The following DISC1 variants were observed in gnomAD, a reference collection of about 807,000 sequenced individuals.
DISC1 encodes the protein disrupted in schizophrenia 1 protein.
A neutral mutation model predicts 84.5 loss-of-function variants in DISC1; 57 were observed. That is an observed-to-expected ratio of 0.67 (90% CI 0.55 to 0.84). The LOEUF is 0.84. DISC1 is among the 40% of genes least tolerant of loss of function. DISC1 has a pLI of 0.00. For missense variants in DISC1, 1,000 were observed against 1,057.8 expected (o/e 0.95, Z 0.76); for synonymous variants, 411 against 415.2 (o/e 0.99, Z 0.12).
At chr1:231,676,081 T>C (rs1031591587) in intron 1 of DISC1, among the ~76,000 whole-genome samples, 4 of 152,238 alleles carry the variant, frequency 2.6e-5, no homozygotes, top group African/African-American at 9.6e-5. Flanking sequence ...ACTCCTGACC[T>C]GATGATCCAT....
intron 3 of DISC1, among the ~76,000 whole-genome samples, chr1:231,709,116 C>T (rs116682012): frequency 0.017 from 2,601 of 152,266 alleles, 27 homozygotes; most frequent in Non-Finnish European, 0.027. Context: ...CTTAGCTTCT[C>T]TTCCTGTTTA....
At chr1:231,774,466 C>T (rs1032636867) in intron 6 of DISC1, among the ~76,000 whole-genome samples, 10 of 152,260 alleles carry the variant, frequency 6.6e-5, no homozygotes, top group Non-Finnish European at 1.3e-4. Context: ...TTTTGTGTGG[C>T]TGGAGTGTGG....
In DISC1 at chr1:231,745,784, C is replaced by A. The variant is rs148647495; in HGVS notation, c.1118-4142C>A. On this transcript the variant is annotated intron_variant, in intron 3 of 12. Coordinates refer to ENST00000439617, the MANE Select transcript of DISC1 (RefSeq NM_018662.3). The stretch of plus-strand genomic sequence containing the variant: ...ACCCTGATACAGTTTGGATGTTTGT[C>A]CCCTTCAAATTTCATGTTGAAATGT... 2.2e-3 allele frequency among the ~76,000 whole-genome samples: 334 copies of A among 152,240 alleles called. 2 individuals are homozygous for A. The highest frequency in any genetic ancestry group is 5.4e-3 in the African/African-American group (226 of 41,548).
intron 3 of DISC1, among the ~76,000 whole-genome samples, chr1:231,736,716 A>G (rs2072553577): frequency 6.6e-6 from 1 of 152,246 alleles, no homozygotes; most frequent in Non-Finnish European, 1.5e-5. Context: ...TGGAATTAGA[A>G]TATTCAGCTC....
chr1:231,867,583 C>A lies in DISC1; in HGVS notation c.1981+49066C>A, dbSNP rs541358863. Among the ~76,000 whole-genome samples, 4 of 152,066 alleles carry A rather than the reference C, an allele frequency of 2.6e-5. No individual in the cohort carries two copies. The East Asian group carries it at 7.7e-4, about 29-fold the overall frequency. On this transcript the variant is annotated intron_variant, in intron 9 of 12. Transcript: ENST00000439617. Reference sequence around the variant, plus strand: ...CTGCTAGTAAACCCTCCTGAGTGTGCAAGACAGGAGGAATTCATTTTCAAG... The same window carrying A: ...CTGCTAGTAAACCCTCCTGAGTGTGAAAGACAGGAGGAATTCATTTTCAAG...
chr1:231,875,918 C>T (rs370270972), intron 9 of DISC1, among the ~76,000 whole-genome samples: 9 of 152,298 alleles, frequency 5.9e-5, no homozygotes, highest in African/African-American at 1.7e-4. Flanking sequence ...GGCGAGGACA[C>T]GTTGGCTAAT....
At position 231,698,594 on chromosome 1, in the gene DISC1, G is replaced by A. The variant is rs996951032; in HGVS notation, c.1048-3361G>A. Among the ~76,000 whole-genome samples, 1 of 151,656 alleles carries A rather than the reference G, an allele frequency of 6.6e-6. No individual in the cohort carries two copies. Among genetic ancestry groups the A allele is most frequent in the Admixed American group, 6.6e-5 (1 of 15,234 alleles). On this transcript the variant is annotated intron_variant, in intron 2 of 12. Transcript: ENST00000439617. The surrounding 1 kb of genome is among the most constrained non-coding windows in gnomAD (Gnocchi z 4.9). Reference sequence around the variant, plus strand: ...AAGACGGGTATTCAGACATATCTCAGGGCAGTCCATTCAGGGCCTTATAGA... The same window carrying A: ...AAGACGGGTATTCAGACATATCTCAAGGCAGTCCATTCAGGGCCTTATAGA...
At chr1:231,929,361 G>C (rs1319013886) in intron 9 of DISC1, among the ~76,000 whole-genome samples, 1 of 152,124 alleles carries the variant, frequency 6.6e-6, no homozygotes, top group Non-Finnish European at 1.5e-5. Context: ...ACAAAATATG[G>C]AAATCCTGTC....
chr1:231,743,452 A>T (rs202046737), intron 3 of DISC1, among the ~76,000 whole-genome samples: 4 of 152,250 alleles, frequency 2.6e-5, no homozygotes, highest in Non-Finnish European at 5.9e-5. Context: ...ACAGATCTGG[A>T]TGCATCTTTA....
chr1:231,801,549 C>A (rs1326534632), intron 8 of DISC1, among the ~76,000 whole-genome samples: 1 of 152,198 alleles, frequency 6.6e-6, no homozygotes, highest in Non-Finnish European at 1.5e-5. Flanking sequence ...GAGGCCTGAT[C>A]TGCTGAAGGA....
intron 1 of DISC1, among the ~76,000 whole-genome samples, chr1:231,674,978 G>T (rs1228095742): frequency 6.6e-6 from 1 of 152,126 alleles, no homozygotes. Context: ...ATCCTGTCTG[G>T]TCCTTTCCCA....
At chr1:231,694,892 G>A in intron 2 of DISC1, 87 bp downstream of exon 2, 4 of 1,553,044 alleles carry the variant, frequency 2.6e-6, no homozygotes, top group Non-Finnish European at 3.5e-6. Flanking sequence ...GGGGTTCTGG[G>A]CTCAACTGAC....
intron 2 of DISC1, among the ~76,000 whole-genome samples, chr1:231,701,748 C>T (rs989922591): frequency 2.4e-4 from 37 of 151,834 alleles, no homozygotes; most frequent in Non-Finnish European, 8.8e-5. Context: ...GGATGTTATG[C>T]TCAAATTACA....
At chr1:231,816,289 G>A (rs1170312496) in intron 8 of DISC1, among the ~76,000 whole-genome samples, 2 of 152,078 alleles carry the variant, frequency 1.3e-5, no homozygotes, top group African/African-American at 4.8e-5. Context: ...ATTTTTCAAT[G>A]GCACCATTTG....
intron 9 of DISC1, among the ~76,000 whole-genome samples, chr1:231,871,015 G>A (rs934942005): frequency 6.6e-6 from 1 of 152,040 alleles, no homozygotes; most frequent in South Asian, 2.1e-4. Flanking sequence ...AGCTATTGGG[G>A]GTGCACTGTT....
chr1:231,762,509 GT>G (rs1396197645), intron 4 of DISC1, among the ~76,000 whole-genome samples: 4 of 52,586 alleles, frequency 7.6e-5, no homozygotes, highest in African/African-American at 1.7e-4. Flanking sequence ...TTTTAGTTTT[GT>G]TTTGTTTTTT....
intron 9 of DISC1, among the ~76,000 whole-genome samples, chr1:231,855,910 C>T (rs1342327072): frequency 1.3e-5 from 2 of 152,216 alleles, no homozygotes; most frequent in African/African-American, 2.4e-5. Flanking sequence ...ATATCCAAAT[C>T]AAACAGCTGC....
At chr1:231,684,815 C>G (rs1235933954) in intron 1 of DISC1, 4 of 152,144 alleles carry the variant, frequency 2.6e-5, no homozygotes, top group African/African-American at 7.2e-5. Context: ...GGAATGCCAC[C>G]CAGGAGTCAA....
intron 5 of DISC1, among the ~76,000 whole-genome samples, chr1:231,769,257 C>G (rs774055488): frequency 9.9e-5 from 15 of 152,192 alleles, no homozygotes; most frequent in Admixed American, 2.0e-4. Context: ...GCCACCCCCC[C>G]TTCTGGGTAT....
Sources: allele counts gnomAD v4.1 joint callset (sites outside exome capture counted in the v4.1 genomes callset), GRCh38; gene constraint gnomAD v4.1.1; non-coding constraint Gnocchi (gnomAD v3.1); transcripts MANE v1.5; gene names NCBI Gene and HGNC (gene_info 2026-07-23, HGNC 2026-07-21).